Variants in WT1 observed in about 807,000 individuals in gnomAD.
The protein encoded by WT1 is WT1 transcription factor.
WT1 carries 8 observed loss-of-function variants against 60.8 expected under a neutral mutation model. The observed-to-expected ratio is 0.13, with a 90% CI of 0.08 to 0.24. The LOEUF is 0.24. Ranked by LOEUF, WT1 falls within the 10% of genes least tolerant of loss-of-function variation. The probability of loss-of-function intolerance (pLI) is 1.00; values close to 1 mark genes in which losing one functional copy is unlikely to be tolerated. For missense variants in WT1, 568 were observed against 711.8 expected, an observed-to-expected ratio of 0.80 and a Z score of 2.30; for synonymous variants, 312 against 297.1, an observed-to-expected ratio of 1.05 and a Z score of -0.52.
At chr11:32,417,726 T>C (rs1345644081) in intron 3 of WT1, 72 bp from the exon 4 acceptor site, 1 of 1,372,586 alleles carries the variant, frequency 7.3e-7, no homozygotes, top group East Asian at 2.3e-5. Flanking sequence ...TCAAAAGCAA[T>C]GGAGTTTTAA....
At chr11:32,396,517 G>A (rs1851980443) in intron 6 of WT1, 110 bp from the exon 7 acceptor site, 1 of 1,475,764 alleles carries the variant, frequency 6.8e-7, no homozygotes, top group Non-Finnish European at 9.2e-7. Context: ...GGTGGCAGGT[G>A]CAGACCTAAA....
At chr11:32,433,705 G>GT (rs1853384738) in intron 1 of WT1, among the ~76,000 whole-genome samples, 2 of 152,246 alleles carry the variant, frequency 1.3e-5, no homozygotes, top group Non-Finnish European at 2.9e-5. Flanking sequence ...GCAGGTTCGG[G>GT]TCCGCGCCGC....
chr11:32,395,584 G>T (rs907576274), intron 7 of WT1, among the ~76,000 whole-genome samples: 1 of 149,964 alleles, frequency 6.7e-6, no homozygotes, highest in Non-Finnish European at 1.5e-5. Context: ...CAATTCTCCT[G>T]CCCCAGCCTC....
chr11:32,418,585 G>A (rs371395841), intron 3 of WT1, among the ~76,000 whole-genome samples: 3 of 152,274 alleles, frequency 2.0e-5, no homozygotes, highest in African/African-American at 7.2e-5. Context: ...AATGAAAAAA[G>A]ATAAGAGGCA....
intron 7 of WT1, among the ~76,000 whole-genome samples, chr11:32,393,286 C>A (rs563867439): frequency 6.6e-6 from 1 of 152,298 alleles, no homozygotes; most frequent in Admixed American, 6.5e-5. Context: ...AAATATGACT[C>A]CATGGTTGTG....
chr11:32,410,801 T>G (rs1852473717), intron 5 of WT1, among the ~76,000 whole-genome samples: 1 of 152,224 alleles, frequency 6.6e-6, no homozygotes, highest in South Asian at 2.1e-4. Flanking sequence ...ATAAACTTGT[T>G]CGCTTTTAAT....
At chr11:32,427,857 C>A (rs1227799312) in intron 3 of WT1, 99 bp downstream of exon 3, 2 of 1,147,858 alleles carry the variant, frequency 1.7e-6, no homozygotes, top group Admixed American at 5.1e-5. Context: ...TGCATGCCCG[C>A]AGTCAGGGCT....
chr11:32,399,884 A>G (rs1852093637), intron 6 of WT1, 64 bp downstream of exon 6: 1 of 1,562,884 alleles, frequency 6.4e-7, no homozygotes, highest in Non-Finnish European at 8.8e-7. Context: ...AAGGAACTAA[A>G]GGGCCGGTAA....
chr11:32,413,661 A>C (rs1852572582), intron 5 of WT1, among the ~76,000 whole-genome samples: 1 of 152,256 alleles, frequency 6.6e-6, no homozygotes, highest in African/African-American at 2.4e-5. Context: ...AAAAAATGAA[A>C]TAGGATAGAG....
chr11:32,428,099 A>T, intron 2 of WT1, 41 bp from the exon 3 acceptor site: 1 of 1,545,906 alleles, frequency 6.5e-7, no homozygotes, highest in Non-Finnish European at 8.8e-7. Context: ...GTGCGCCCCA[A>T]GGGCTCGGGG....
intron 3 of WT1, among the ~76,000 whole-genome samples, chr11:32,426,326 G>A (rs544747457): frequency 8.5e-5 from 13 of 152,312 alleles, no homozygotes; most frequent in African/African-American, 2.9e-4. Flanking sequence ...CCGCCTGATG[G>A]CTACTAGAAT....
At chr11:32,434,072 C>A (rs1304982332) in intron 1 of WT1, among the ~76,000 whole-genome samples, 1 of 152,020 alleles carries the variant, frequency 6.6e-6, no homozygotes, top group Non-Finnish European at 1.5e-5. Context: ...TATTACCATA[C>A]GCGGGAGCTA....
At chr11:32,434,267 T>C (rs1488681611) in intron 1 of WT1, among the ~76,000 whole-genome samples, 1 of 152,222 alleles carries the variant, frequency 6.6e-6, no homozygotes, top group African/African-American at 2.4e-5. Context: ...ACCCCCGCGC[T>C]GGTCCCACTC....
At chr11:32,390,285 C>G (rs1851778378) in intron 9 of WT1, among the ~76,000 whole-genome samples, 1 of 152,160 alleles carries the variant, frequency 6.6e-6, no homozygotes, top group Non-Finnish European at 1.5e-5. Context: ...GAGAAATGTC[C>G]CAGGAGGGCT....
intron 1 of WT1, among the ~76,000 whole-genome samples, chr11:32,429,975 C>A (rs1853217115): frequency 2.1e-5 from 2 of 94,836 alleles, no homozygotes; most frequent in Admixed American, 1.1e-4. Flanking sequence ...CACCCCCCGC[C>A]CAGAAAAAAA....
In WT1 at chr11:32,430,929, G is replaced by A. The variant is rs3847590; in HGVS notation, c.662-2310C>T. The A allele has an allele frequency of 0.023, 22,566 of 1,000,224 alleles. 312 individuals carry two copies. Among genetic ancestry groups the A allele is most frequent in the South Asian group, 0.058 (1,222 of 21,118 alleles). 62.0% of individuals were successfully genotyped at this position (1,000,224 alleles called of 1,614,324 possible). ...CCTGGCGCGGAGAGTGCGGGGGCAG[G>A]GGCCAGGGGAGGTAAAGCTGCCGGC... On this transcript the variant is annotated intron_variant, in intron 1 of 9. Coordinates refer to ENST00000452863, the MANE Select transcript of WT1 (RefSeq NM_024426.6).
chr11:32,409,527 T>C (rs1307811788), intron 5 of WT1, among the ~76,000 whole-genome samples: 1 of 151,844 alleles, frequency 6.6e-6, no homozygotes, highest in Admixed American at 6.6e-5. Context: ...GGCATCATCA[T>C]AGCTCACTGC....
intron 3 of WT1, among the ~76,000 whole-genome samples, chr11:32,423,171 A>T (rs1852910264): frequency 6.6e-6 from 1 of 152,384 alleles, no homozygotes; most frequent in African/African-American, 2.4e-5. Context: ...CTACACTGAC[A>T]GAAGAACTTT....
intron 5 of WT1, among the ~76,000 whole-genome samples, chr11:32,409,832 C>A (rs971059224): frequency 6.6e-6 from 1 of 152,080 alleles, no homozygotes; most frequent in African/African-American, 2.4e-5. Context: ...ATCTATGGAG[C>A]CCCTTCTCTC....
Sources: allele counts gnomAD v4.1 joint callset (sites outside exome capture counted in the v4.1 genomes callset), GRCh38; gene constraint gnomAD v4.1.1; transcripts MANE v1.5; gene names NCBI Gene and HGNC (gene_info 2026-07-23, HGNC 2026-07-21).